The following ZNRF3 variants were observed in gnomAD, a reference collection of about 807,000 sequenced individuals.
ZNRF3 encodes zinc and ring finger 3, also known as E3 ubiquitin-protein ligase ZNRF3.
A neutral mutation model predicts 72.5 loss-of-function variants in ZNRF3; 23 were observed. The ratio of observed to expected loss-of-function variants is 0.32; its 90% CI spans 0.23 to 0.45. The LOEUF is 0.45. ZNRF3 is among the 20% of genes least tolerant of loss of function. The pLI, the probability that ZNRF3 is intolerant of heterozygous loss-of-function variation, is 1.00. For missense variants in ZNRF3, 1,169 were observed against 1,272.1 expected (o/e 0.92, Z 1.23); for synonymous variants, 610 against 545.3 (o/e 1.12, Z -1.65).
intron 2 of ZNRF3, chr22:29,018,043 G>A (rs770943887): frequency 1.9e-6 from 1 of 518,972 alleles, no homozygotes; most frequent in African/African-American, 1.9e-5. Flanking sequence ...CTGTGTGGGT[G>A]GAGCATCTGG....
intron 1 of ZNRF3, among the ~76,000 whole-genome samples, chr22:28,972,872 T>G (rs1160682664): frequency 6.6e-6 from 1 of 152,260 alleles, no homozygotes; most frequent in Non-Finnish European, 1.5e-5. Context: ...GCATATCTCT[T>G]GGAGAAATAT....
intron 1 of ZNRF3, among the ~76,000 whole-genome samples, chr22:28,923,788 G>A (rs766067746): frequency 6.6e-5 from 10 of 152,222 alleles, no homozygotes; most frequent in Non-Finnish European, 1.5e-4. Flanking sequence ...AGCTAGTGAT[G>A]TCCCCTCCCA....
At chr22:28,917,304 CG>C in intron 1 of ZNRF3, 12 of 294,674 alleles carry the variant, frequency 4.1e-5, no homozygotes, top group South Asian at 2.7e-4. Flanking sequence ...CACACACACA[CG>C]ACACTAGGTA....
At chr22:28,966,188 C>G (rs2035455447) in intron 1 of ZNRF3, among the ~76,000 whole-genome samples, 1 of 152,132 alleles carries the variant, frequency 6.6e-6, no homozygotes, top group Non-Finnish European at 1.5e-5. Flanking sequence ...AGGTCCTTGT[C>G]TAACGAAAGG....
At chr22:28,890,716 T>C (rs2033868997) in intron 1 of ZNRF3, among the ~76,000 whole-genome samples, 1 of 152,010 alleles carries the variant, frequency 6.6e-6, no homozygotes, top group Non-Finnish European at 1.5e-5. Context: ...TTAACCTAAA[T>C]ATATGCCATG....
intron 1 of ZNRF3, among the ~76,000 whole-genome samples, chr22:28,930,462 G>T (rs1210710694): frequency 6.6e-6 from 1 of 152,198 alleles, no homozygotes; most frequent in East Asian, 1.9e-4. Context: ...CCCAGAGGAT[G>T]GTTCCGATTT....
rs1389442314 is a variant in ZNRF3 at position 29,050,650 on chromosome 22, G to A, written c.2469G>A (p.Arg823=). ...CGCCCGGCTGCTACCCCGGGGCCCG[G>A]GACCTGAGCCAGCGCATCCCCATCA... is the stretch of plus-strand genomic sequence containing the variant. The part of the protein sequence containing the change: ...EPPPGCYPGA[R]DLSQRIPIIP... The change falls in exon 8 of 9, where the codon CGG becomes CGA. Residue 823 remains arginine (R), a synonymous_variant. Coordinates refer to ENST00000544604, the MANE Select transcript of ZNRF3 (RefSeq NM_001206998.2). 5.0e-6 allele frequency: 8 copies of A among 1,612,090 alleles called. No individual in the cohort carries two copies. The South Asian group carries it at 8.8e-5, about 18-fold the overall frequency.
At chr22:28,897,515 T>G (rs2034020113) in intron 1 of ZNRF3, among the ~76,000 whole-genome samples, 1 of 152,192 alleles carries the variant, frequency 6.6e-6, no homozygotes, top group Non-Finnish European at 1.5e-5. Flanking sequence ...GAGACATGGT[T>G]TCACCATGTT....
At position 29,050,303 on chromosome 22, in the gene ZNRF3, CCGT is replaced by C. The variant is rs2037174228; in HGVS notation, c.2126_2128del (p.Ser709del). On this transcript the variant is annotated inframe_deletion, in exon 8 of 9. Transcript: ENST00000544604. ...GACCTGGAAGGGGGGCCACGAGTTG[CCGT>C]CGTGTGCCTGCTGCTGCGAGCCCCA... 3.1e-6 allele frequency: 5 copies of C among 1,598,256 alleles called. No homozygotes were observed. Among genetic ancestry groups the C allele is most frequent in the Non-Finnish European group, 4.2e-6 (5 of 1,177,886 alleles).
chr22:28,934,869 A>G (rs1180544037), intron 1 of ZNRF3, among the ~76,000 whole-genome samples: 2 of 151,284 alleles, frequency 1.3e-5, no homozygotes, highest in Non-Finnish European at 2.9e-5. Context: ...AAACCCTCCC[A>G]TCCTGTTCTT....
At chr22:28,895,630 G>A (rs2033978837) in intron 1 of ZNRF3, among the ~76,000 whole-genome samples, 2 of 152,158 alleles carry the variant, frequency 1.3e-5, no homozygotes, top group South Asian at 2.1e-4. Flanking sequence ...TTGCGCCACT[G>A]CACTCCAGCC....
At chr22:28,908,099 T>A (rs1032502186) in intron 1 of ZNRF3, among the ~76,000 whole-genome samples, 5 of 152,258 alleles carry the variant, frequency 3.3e-5, no homozygotes, top group Non-Finnish European at 5.9e-5. Flanking sequence ...TATTCATGCT[T>A]TCTTTAAATA....
At chr22:28,958,497 T>C (rs2035299232) in intron 1 of ZNRF3, among the ~76,000 whole-genome samples, 1 of 152,164 alleles carries the variant, frequency 6.6e-6, no homozygotes, top group Admixed American at 6.5e-5. Context: ...GCTGACTGTT[T>C]CTTTGGGTCT....
chr22:29,021,874 G>GCA (rs933500043), intron 2 of ZNRF3, among the ~76,000 whole-genome samples: 4 of 151,766 alleles, frequency 2.6e-5, no homozygotes, highest in Non-Finnish European at 4.4e-5. Flanking sequence ...TGACCTATAT[G>GCA]CACACACACA....
chr22:28,976,235 A>T (rs766454330), intron 1 of ZNRF3, among the ~76,000 whole-genome samples: 10 of 152,216 alleles, frequency 6.6e-5, no homozygotes, highest in Non-Finnish European at 1.5e-4. Flanking sequence ...AGCATGGGCA[A>T]CAGAGCGGGA....
chr22:28,905,275 C>G (rs2034184782), intron 1 of ZNRF3, among the ~76,000 whole-genome samples: 1 of 152,102 alleles, frequency 6.6e-6, no homozygotes, highest in Admixed American at 6.6e-5. Context: ...GCTGTAATAT[C>G]CTACTCTGCT....
intron 1 of ZNRF3, among the ~76,000 whole-genome samples, chr22:28,931,571 C>T (rs2034707338): frequency 6.6e-6 from 1 of 152,194 alleles, no homozygotes; most frequent in Admixed American, 6.5e-5. Flanking sequence ...GCATTACTGT[C>T]TTGACAAAAG....
intron 1 of ZNRF3, among the ~76,000 whole-genome samples, chr22:28,921,004 T>C (rs913519374): frequency 6.6e-6 from 1 of 152,238 alleles, no homozygotes; most frequent in Non-Finnish European, 1.5e-5. Flanking sequence ...GGCCACATGC[T>C]TCTCCTTTTC....
chr22:28,899,933 G>A (rs2034073167), intron 1 of ZNRF3, among the ~76,000 whole-genome samples: 1 of 152,106 alleles, frequency 6.6e-6, no homozygotes, highest in Admixed American at 6.5e-5. Flanking sequence ...TCAAGCAATA[G>A]TTAGTTTACT....
Sources: gnomAD v4.1 joint callset for allele counts (sites outside exome capture counted in the v4.1 genomes callset) on GRCh38, gnomAD v4.1.1 for gene constraint, MANE v1.5 for transcripts, NCBI Gene and HGNC (gene_info 2026-07-23, HGNC 2026-07-21) for gene names.